The following FER variants were observed in gnomAD, a reference collection of about 807,000 sequenced individuals.
FER encodes tyrosine-protein kinase Fer.
In FER, 63 loss-of-function variants were observed where a neutral mutation model predicts 111.0. The ratio of observed to expected loss-of-function variants is 0.57; its 90% CI spans 0.46 to 0.70. FER has a LOEUF of 0.70. Among genes scored for constraint, FER ranks in the 30% least tolerant of loss-of-function variants. FER has a pLI of 0.00. For missense variants in FER, 914 were observed against 954.0 expected (o/e 0.96, Z 0.55); for synonymous variants, 327 against 313.9 (o/e 1.04, Z -0.44).
At chr5:108,789,114 T>C (rs1432307326) in intron 2 of FER, among the ~76,000 whole-genome samples, 1 of 152,244 alleles carries the variant, frequency 6.6e-6, no homozygotes, top group African/African-American at 2.4e-5. Flanking sequence ...AAATCATAAG[T>C]GTTCAGCTTG....
At chr5:109,152,577 A>T (rs1413156953) in intron 17 of FER, among the ~76,000 whole-genome samples, 3 of 152,048 alleles carry the variant, frequency 2.0e-5, no homozygotes, top group African/African-American at 7.2e-5. Context: ...AGAAAGGTCA[A>T]CATATGTCTC....
In FER at chr5:109,024,773, A is replaced by T. The variant is rs1581697520; in HGVS notation, c.1657-12649A>T. ...CTTTCACATCATGTTTAAGTCTTTA[A>T]TCCATCTTGAATTGATTTTTGTATA... On this transcript the variant is annotated intron_variant, in intron 13 of 19. Transcript: ENST00000281092. Among the ~76,000 whole-genome samples the T allele has an allele frequency of 2.0e-5, 3 of 152,198 alleles. No homozygotes were observed. The South Asian group carries it at 6.2e-4, about 32-fold the overall frequency.
chr5:109,060,767 T>C (rs544603866), intron 16 of FER, among the ~76,000 whole-genome samples: 215 of 122,510 alleles, frequency 1.8e-3, no homozygotes, highest in African/African-American at 5.7e-3. Flanking sequence ...GTGGTGTGTG[T>C]GTGTGTATAT....
chr5:108,867,943 A>C lies in FER; in HGVS notation c.658A>C (p.Lys220Gln). The change falls in exon 6 of 20, where the codon AAA becomes CAA. Residue 220 changes from lysine to glutamine, a missense_variant. Coordinates refer to ENST00000281092, the MANE Select transcript of FER (RefSeq NM_005246.4). ...SLQKMQEEMI[K>Q]ALKGIFDEYS... ...ACAAAAGATGCAAGAAGAAATGATA[A>C]AAGCACTGTAAGATACATTTTCTTT... 6.2e-7 allele frequency: 1 copy of C among 1,604,172 alleles called. No individual in the cohort carries two copies.
At position 108,934,553 on chromosome 5, in the gene FER, A is replaced by T. The variant is rs181148226; in HGVS notation, c.1237-11577A>T. On this transcript the variant is annotated intron_variant, in intron 10 of 19. Coordinates refer to ENST00000281092, the MANE Select transcript of FER (RefSeq NM_005246.4). ...GCTTTTTAAAATTCTTTCTTTGCTG[A>T]TATCTAATCAGCAACTATATTGGAC... Among the ~76,000 whole-genome samples, 4 of 152,236 alleles carry T rather than the reference A, an allele frequency of 2.6e-5. No homozygotes were observed. The East Asian group carries it at 7.7e-4, about 29-fold the overall frequency.
At chr5:109,184,016 G>T (rs964725666) in intron 18 of FER, among the ~76,000 whole-genome samples, 6 of 151,922 alleles carry the variant, frequency 3.9e-5, no homozygotes, top group Non-Finnish European at 7.4e-5. Flanking sequence ...AATACAAAAT[G>T]GTAGAATACT....
chr5:108,974,838 A>T (rs1233266567), intron 13 of FER, among the ~76,000 whole-genome samples: 1 of 152,256 alleles, frequency 6.6e-6, no homozygotes, highest in Non-Finnish European at 1.5e-5. Flanking sequence ...TTATTTCCTT[A>T]TAACCTGCAA....
chr5:109,001,285 A>G (rs1224629582), intron 13 of FER, among the ~76,000 whole-genome samples: 2 of 152,208 alleles, frequency 1.3e-5, no homozygotes, highest in African/African-American at 2.4e-5. Flanking sequence ...CTTATCCACC[A>G]TGATCAAGTG....
At chr5:109,080,546 A>G (rs886233243) in intron 16 of FER, among the ~76,000 whole-genome samples, 4 of 152,114 alleles carry the variant, frequency 2.6e-5, no homozygotes, top group Admixed American at 2.0e-4. Context: ...TGATTCTTAC[A>G]AATTTTAGGT....
chr5:108,791,236 G>T (rs1430789745), intron 2 of FER, among the ~76,000 whole-genome samples: 2 of 152,182 alleles, frequency 1.3e-5, no homozygotes, highest in African/African-American at 4.8e-5. Context: ...CTTTTCCGCA[G>T]TGGTTGCACC....
intron 13 of FER, among the ~76,000 whole-genome samples, chr5:109,024,503 C>G (rs1294962081): frequency 1.3e-5 from 2 of 152,112 alleles, no homozygotes; most frequent in Non-Finnish European, 2.9e-5. Context: ...TTCTGGTAGC[C>G]ACTGGGGACA....
At chr5:108,990,437 T>C (rs910022332) in intron 13 of FER, among the ~76,000 whole-genome samples, 6 of 151,854 alleles carry the variant, frequency 4.0e-5, no homozygotes, top group African/African-American at 1.4e-4. Context: ...AACTTGTATC[T>C]CTATTGGTGT....
At chr5:108,848,322 G>A (rs1229218687) in intron 5 of FER, among the ~76,000 whole-genome samples, 8 of 152,064 alleles carry the variant, frequency 5.3e-5, no homozygotes, top group Non-Finnish European at 1.0e-4. Context: ...ATATTTAAAT[G>A]TAACTGTTTA....
At chr5:108,915,755 G>A (rs1374675334) in intron 10 of FER, among the ~76,000 whole-genome samples, 1 of 152,006 alleles carries the variant, frequency 6.6e-6, no homozygotes, top group Non-Finnish European at 1.5e-5. Flanking sequence ...AAAGAAACAG[G>A]TGAGGGAAGG....
intron 17 of FER, among the ~76,000 whole-genome samples, chr5:109,153,432 C>G (rs1315840264): frequency 6.6e-6 from 1 of 151,578 alleles, no homozygotes; most frequent in Non-Finnish European, 1.5e-5. Context: ...ACAACAGCAA[C>G]AAAATTCATT....
At chr5:108,765,932 A>AT (rs759888534) in intron 1 of FER, among the ~76,000 whole-genome samples, 185 of 144,658 alleles carry the variant, frequency 1.3e-3, no homozygotes, top group South Asian at 2.0e-3. Context: ...TCATGACTGA[A>AT]TTTTTTTTTT....
chr5:108,973,285 C>T lies in FER; in HGVS notation c.1656+13938C>T, dbSNP rs139259850. Among the ~76,000 whole-genome samples the T allele has an allele frequency of 9.3e-4, 141 of 152,144 alleles. No individual in the cohort carries two copies. In the East Asian group the frequency reaches 0.021, roughly 23 times the overall value. On this transcript the variant is annotated intron_variant, in intron 13 of 19. Coordinates refer to ENST00000281092, the MANE Select transcript of FER (RefSeq NM_005246.4). ...TCTGCTACCTTGTCCTTCAAGGGAACGATTTAATTGTGCCACAAAAGGCTT... is the reference window on the plus strand; with the variant it reads ...TCTGCTACCTTGTCCTTCAAGGGAATGATTTAATTGTGCCACAAAAGGCTT...
chr5:109,008,929 C>A (rs923004900), intron 13 of FER, among the ~76,000 whole-genome samples: 4 of 152,016 alleles, frequency 2.6e-5, no homozygotes, highest in African/African-American at 9.7e-5. Flanking sequence ...AAGATCGTGC[C>A]GTTGCACTCT....
chr5:109,035,094 C>T (rs1049597679), intron 13 of FER, among the ~76,000 whole-genome samples: 3 of 140,956 alleles, frequency 2.1e-5, no homozygotes, highest in Admixed American at 7.5e-5. Context: ...AGTGCAGTGG[C>T]GCAATCTTGG....
Sources: allele counts gnomAD v4.1 joint callset (sites outside exome capture counted in the v4.1 genomes callset), GRCh38; gene constraint gnomAD v4.1.1; transcripts MANE v1.5; gene names NCBI Gene and HGNC (gene_info 2026-07-23, HGNC 2026-07-21).